Variants in GRM6 observed in about 807,000 individuals in gnomAD.
The protein encoded by GRM6 is glutamate metabotropic receptor 6.
In GRM6, 73 loss-of-function variants were observed where a neutral mutation model predicts 78.4. The observed-to-expected ratio is 0.93, with a 90% confidence interval of 0.77 to 1.13. The LOEUF is 1.13. GRM6 is among the 50% of genes most tolerant of loss of function. GRM6 has a pLI of 0.00. For synonymous variants in GRM6, 580 were observed against 555.0 expected (o/e 1.05, Z -0.63); for missense variants, 1,251 against 1,256.4 (o/e 1.00, Z 0.07).
rs1184704526 is a variant in GRM6, at chr5:178,979,706, A to G, written c.*1951T>C. ...CAGTGGAGAAAACCACATGAATGTA[A>G]AACTGTGGAAAAGTTTTCAGCTAGA... On this transcript the variant is annotated 3_prime_UTR_variant, in exon 11 of 11. Coordinates refer to ENST00000517717, the MANE Select transcript of GRM6 (RefSeq NM_000843.4). 1 of 152,230 alleles carries G rather than the reference A, an allele frequency of 6.6e-6. No homozygotes were observed. The highest frequency in any genetic ancestry group is 1.5e-5 in the Non-Finnish European group (1 of 68,054). The allele number at this position is 152,230 out of a possible 1,614,324, so 9.4% of individuals were successfully genotyped here. A position where few individuals can be genotyped will look rare whatever the true frequency, so the allele number is the denominator to read the frequency against.
chr5:178,981,912 C>T lies in GRM6; in HGVS notation c.2437-58G>A. 1 of 1,033,008 alleles carries T rather than the reference C, an allele frequency of 9.7e-7. No individual in the cohort carries two copies. Among genetic ancestry groups the T allele is most frequent in the South Asian group, 1.3e-5 (1 of 79,030 alleles). 64.0% of individuals were successfully genotyped at this position (1,033,008 alleles called of 1,614,324 possible). On this transcript the variant is annotated intron_variant, in intron 10 of 10. Coordinates refer to ENST00000517717, the MANE Select transcript of GRM6 (RefSeq NM_000843.4). The surrounding 1 kb of genome is among the most constrained non-coding windows in gnomAD (Gnocchi z 5.1). Reference sequence around the variant, plus strand: ...CAGCCCTGCTCTCCCTGCCCCGCTCCACACAGTCCTCACCACATACTCTGG... The same window carrying T: ...CAGCCCTGCTCTCCCTGCCCCGCTCTACACAGTCCTCACCACATACTCTGG...
At position 178,991,822 on chromosome 5, in the gene GRM6, C is replaced by T. The variant is rs376305704; in HGVS notation, c.721+45G>A. ...TTCTGCCCCAACTGAGGGCCCCGGG[C>T]CCACACTATGTAGACTCCTTGGTGC... is the stretch of plus-strand genomic sequence containing the variant. On this transcript the variant is annotated intron_variant, in intron 3 of 10. Transcript: ENST00000517717. The surrounding 1 kb of genome is among the most constrained non-coding windows in gnomAD (Gnocchi z 5.0). The T allele has an allele frequency of 5.9e-6, 9 of 1,524,994 alleles. No individual in the cohort carries two copies. In the African/African-American group the frequency reaches 9.6e-5, roughly 16 times the overall value. 94.5% of individuals were successfully genotyped at this position (1,524,994 alleles called of 1,614,324 possible). A position where few individuals can be genotyped will look rare whatever the true frequency, so the allele number is the denominator to read the frequency against.
chr5:178,986,314 G>C lies in GRM6; in HGVS notation c.1940C>G (p.Ala647Gly). 1 of 1,614,014 alleles carries C rather than the reference G, an allele frequency of 6.2e-7. No individual in the cohort carries two copies. Among genetic ancestry groups the C allele is most frequent in the Non-Finnish European group, 8.5e-7 (1 of 1,179,960 alleles). ...ITFLMVAEPG[A>G]AVCAARRLFL... ...GAGCCTGCGGGCGGCACAGACCGCGGCCCCAGGCTCAGCCACCATGAGGAA... is the reference window on the plus strand; with the variant it reads ...GAGCCTGCGGGCGGCACAGACCGCGCCCCCAGGCTCAGCCACCATGAGGAA... The change falls in exon 9 of 11, where the codon GCC becomes GGC. Residue 647 changes from alanine to glycine, a missense_variant. Coordinates refer to ENST00000517717, the MANE Select transcript of GRM6 (RefSeq NM_000843.4).
chr5:178,994,597 C>A lies in GRM6; in HGVS notation c.348G>T (p.Leu116=). ...LEQALSFVQA[L]IRGRGDGDEV... is the part of the protein sequence containing the mutation. ...CGTCGCCGTCGCCGCGGCCGCGGAT[C>A]AGCGCCTGCACGAAGCTCAGCGCCT... The change falls in exon 2 of 11, where the codon CTG becomes CTT. Residue 116 remains leucine (L), a synonymous_variant. Coordinates refer to ENST00000517717, the MANE Select transcript of GRM6 (RefSeq NM_000843.4). 7.2e-7 allele frequency: 1 copy of A among 1,380,616 alleles called. No homozygotes were observed. Among genetic ancestry groups the A allele is most frequent in the Non-Finnish European group, 9.4e-7 (1 of 1,067,540 alleles). 85.5% of individuals were successfully genotyped at this position (1,380,616 alleles called of 1,614,324 possible).
At position 178,994,640 on chromosome 5, in the gene GRM6, T is replaced by G; in HGVS notation, c.305A>C (p.Asp102Ala). The change falls in exon 2 of 11, where the codon GAC (aspartate) becomes GCC (alanine). Residue 102 changes from aspartate to alanine, a missense_variant. By Grantham distance (126) the Asp-to-Ala change is moderately radical. Coordinates refer to ENST00000517717, the MANE Select transcript of GRM6 (RefSeq NM_000843.4). The part of the protein sequence containing the change: ...GARLLDTCSR[D>A]TYALEQALSF... ...CAGCGCCTGCTCCAGCGCGTAGGTG[T>G]CCCGCGAGCAGGTGTCCAGCAGCCG... 2 of 1,459,448 alleles carry G rather than the reference T, an allele frequency of 1.4e-6. No homozygotes were observed. The highest frequency in any genetic ancestry group is 1.8e-6 in the Non-Finnish European group (2 of 1,108,354). The allele number at this position is 1,459,448 out of a possible 1,614,324, so 90.4% of individuals were successfully genotyped here.
chr5:178,994,727 A>G lies in GRM6; in HGVS notation c.218T>C (p.Leu73Pro). The change falls in exon 2 of 11, where the codon CTG (leucine) becomes CCG (proline). Residue 73 changes from leucine to proline, a missense_variant. Coordinates refer to ENST00000517717, the MANE Select transcript of GRM6 (RefSeq NM_000843.4). The part of the protein sequence containing the change: ...EQGVHRLEAM[L>P]YALDRVNADP... ...GGCGTTGACGCGGTCCAGCGCGTAC[A>G]GCATGGCCTCCAGCCGGTGCACGCC... 1 of 1,464,052 alleles carries G rather than the reference A, an allele frequency of 6.8e-7. No individual in the cohort carries two copies. Among genetic ancestry groups the G allele is most frequent in the Non-Finnish European group, 9.0e-7 (1 of 1,109,878 alleles). 90.7% of individuals were successfully genotyped at this position (1,464,052 alleles called of 1,614,324 possible). A position where few individuals can be genotyped will look rare whatever the true frequency, so the allele number is the denominator to read the frequency against.
In GRM6 at chr5:178,988,242, G is replaced by C. The variant is rs1275903541; in HGVS notation, c.1354+693C>G. ...GAAATTGGAATGACTTGAACAATGA[G>C]CTCTATTTTTCTTACAAGCTTGTTC... On this transcript the variant is annotated intron_variant, in intron 7 of 10. Transcript: ENST00000517717. The surrounding 1 kb of genome is among the most constrained non-coding windows in gnomAD (Gnocchi z 6.0). 2.6e-5 allele frequency among the ~76,000 whole-genome samples: 4 copies of C among 152,184 alleles called. No individual in the cohort carries two copies. Among genetic ancestry groups the C allele is most frequent in the Non-Finnish European group, 5.9e-5 (4 of 68,042 alleles).
Position 178,986,184 on chromosome 5 carries a change from G to A in GRM6, c.2070C>T (p.Pro690=), listed in dbSNP as rs140678500. Residue 690 remains proline (P), a synonymous_variant, in exon 9 of 11, where the codon CCC becomes CCT. Coordinates refer to ENST00000517717, the MANE Select transcript of GRM6 (RefSeq NM_000843.4). ...CCAGCTGTGAGGTGGGGCTGATGAA[G>A]GGAGGGGGTGTGACCGAGCGCTTGC... The part of the protein sequence containing the change: ...EQGKRSVTPP[P]FISPTSQLVI... 2.7e-5 allele frequency: 43 copies of A among 1,614,138 alleles called. No homozygotes were observed. The African/African-American group carries it at 3.9e-4, about 15-fold the overall frequency.
intron 9 of GRM6, chr5:178,985,595 C>T (rs188943932): frequency 0.015 from 5,279 of 347,072 alleles, 60 homozygotes; most frequent in Non-Finnish European, 0.02. Context: ...CCCAGCTACT[C>T]GGGAGGCTGA....
In GRM6 at chr5:178,979,313, C is replaced by T. The variant is rs1760343086; in HGVS notation, c.*2344G>A. ...TGCACACACCGAGTGTGGAAAAGCCCTCTTGTGGAAGTCAGTTATTTGTGT... is the reference window on the plus strand; with the variant it reads ...TGCACACACCGAGTGTGGAAAAGCCTTCTTGTGGAAGTCAGTTATTTGTGT... On this transcript the variant is annotated 3_prime_UTR_variant, in exon 11 of 11. Transcript: ENST00000517717. 6.6e-6 allele frequency: 1 copy of T among 152,212 alleles called. No homozygotes were observed. The highest frequency in any genetic ancestry group is 2.4e-5 in the African/African-American group (1 of 41,452). The allele number at this position is 152,212 out of a possible 1,614,324, so 9.4% of individuals were successfully genotyped here.
In GRM6 at chr5:178,987,427, G is replaced by A. The variant is rs1305007311; in HGVS notation, c.1355-444C>T. On this transcript the variant is annotated intron_variant, in intron 7 of 10. Transcript: ENST00000517717. ...GCAACCCGAGCGTCCACTGACAGAA[G>A]AATGGACGAACACGACGGGGCCATT... is the stretch of plus-strand genomic sequence containing the variant. The A allele has an allele frequency of 6.5e-6, 3 of 458,470 alleles. No homozygotes were observed. The Admixed American group carries it at 7.0e-5, about 11-fold the overall frequency. The allele number at this position is 458,470 out of a possible 1,614,324, so 28.4% of individuals were successfully genotyped here. A position where few individuals can be genotyped will look rare whatever the true frequency, so the allele number is the denominator to read the frequency against.
rs1247182717 is a variant in GRM6 at position 178,986,604 on chromosome 5, C to A, written c.1650G>T (p.Val550=). 5 of 1,604,262 alleles carry A rather than the reference C, an allele frequency of 3.1e-6. No homozygotes were observed. The highest frequency in any genetic ancestry group is 1.3e-5 in the African/African-American group (1 of 74,936). Residue 550 remains valine (V), a synonymous_variant, in exon 9 of 11, where the codon GTG becomes GTT. Coordinates refer to ENST00000517717, the MANE Select transcript of GRM6 (RefSeq NM_000843.4). The part of the protein sequence containing the change: ...CEACDGYRFQ[V]DEFTCEACPG... ...GACAGGCCTCGCATGTGAACTCGTC[C>A]ACCTGGAAGCGGTACCCGTCACAGG... is the stretch of plus-strand genomic sequence containing the variant.
rs1581898295 is a variant in GRM6, at chr5:178,991,713, T to C, written c.721+154A>G. ...CCAAGCCTGAGGCAGGGCTGAGTCG[T>C]CCAAAACAAAGAGGTCCCGCCCACA... On this transcript the variant is annotated intron_variant, in intron 3 of 10. Coordinates refer to ENST00000517717, the MANE Select transcript of GRM6 (RefSeq NM_000843.4). This position sits in a 1 kb window ranked among gnomAD's most constrained non-coding sequence, Gnocchi z 5.0. 1 of 1,168,240 alleles carries C rather than the reference T, an allele frequency of 8.6e-7. No homozygotes were observed. Among genetic ancestry groups the C allele is most frequent in the Admixed American group, 1.8e-5 (1 of 55,622 alleles). The allele number at this position is 1,168,240 out of a possible 1,614,324, so 72.4% of individuals were successfully genotyped here. A position where few individuals can be genotyped will look rare whatever the true frequency, so the allele number is the denominator to read the frequency against.
In GRM6 at chr5:178,994,878, G is replaced by GCGCCAGCCA; in HGVS notation, c.58_66dup (p.Trp20_Ala22dup). The GCGCCAGCCA allele has an allele frequency of 1.7e-6, 2 of 1,206,214 alleles. No individual in the cohort carries two copies. Among genetic ancestry groups the GCGCCAGCCA allele is most frequent in the South Asian group, 3.0e-5 (1 of 33,130 alleles). 74.7% of individuals were successfully genotyped at this position (1,206,214 alleles called of 1,614,324 possible). A position where few individuals can be genotyped will look rare whatever the true frequency, so the allele number is the denominator to read the frequency against. ...CCCGCCGCGCGCGCCAGGCCCGCCT[G>GCGCCAGCCA]CGCCAGCCACGCCAGCGGCAGCAGC... is the stretch of plus-strand genomic sequence containing the variant. On this transcript the variant is annotated inframe_insertion, in exon 2 of 11. Coordinates refer to ENST00000517717, the MANE Select transcript of GRM6 (RefSeq NM_000843.4).
intron 5 of GRM6, among the ~76,000 whole-genome samples, chr5:178,990,328 A>T (rs1308186619): frequency 1.3e-5 from 2 of 152,208 alleles, no homozygotes; most frequent in African/African-American, 4.8e-5. Context: ...AGCACTAGAA[A>T]TACAGGCACT....
chr5:178,989,552 A>G (rs1760636692), intron 5 of GRM6, 147 bp from the exon 6 acceptor site: 1 of 1,004,314 alleles, frequency 1.0e-6, no homozygotes, highest in Non-Finnish European at 1.5e-6. Context: ...CAGGTGAGCT[A>G]GGAGTGGCCA....
Position 178,994,757 on chromosome 5 carries a change from T to C in GRM6, c.188A>G (p.Glu63Gly). The C allele has an allele frequency of 7.1e-7, 1 of 1,413,648 alleles. No homozygotes were observed. Among genetic ancestry groups the C allele is most frequent in the South Asian group, 1.4e-5 (1 of 72,288 alleles). 87.6% of individuals were successfully genotyped at this position (1,413,648 alleles called of 1,614,324 possible). Residue 63 changes from glutamate (E) to glycine (G), a missense_variant, in exon 2 of 11, where the codon GAG becomes GGG. Transcript: ENST00000517717. ...AGRACGQLKK[E>G]QGVHRLEAML... ...GGCCTCCAGCCGGTGCACGCCCTGC[T>C]CCTTCTTCAGCTGCCCGCACGCCCG...
At chr5:178,993,268 A>G (rs1760713740) in intron 2 of GRM6, among the ~76,000 whole-genome samples, 1 of 152,170 alleles carries the variant, frequency 6.6e-6, no homozygotes, top group African/African-American at 2.4e-5. Context: ...TGCCCACCTG[A>G]GTCCCCAACT....
chr5:178,982,862 C>T (rs1381553031), intron 10 of GRM6, 48 bp downstream of exon 10: 3 of 1,352,442 alleles, frequency 2.2e-6, no homozygotes, highest in Non-Finnish European at 3.2e-6. Context: ...AATCGACCAG[C>T]CTGACAGGCA....
Sources: allele counts gnomAD v4.1 joint callset (sites outside exome capture counted in the v4.1 genomes callset), GRCh38; gene constraint gnomAD v4.1.1; non-coding constraint Gnocchi (gnomAD v3.1); transcripts MANE v1.5; gene names NCBI Gene and HGNC (gene_info 2026-07-23, HGNC 2026-07-21).